The following KCNAB1 variants were observed in gnomAD, a reference collection of about 807,000 sequenced individuals.
The protein encoded by KCNAB1 is voltage-gated potassium channel subunit beta-1.
In KCNAB1, 35 loss-of-function variants were observed where a neutral mutation model predicts 64.6. The observed-to-expected ratio is 0.54, with a 90% CI of 0.41 to 0.72. The LOEUF is 0.72. KCNAB1 is among the 30% of genes least tolerant of loss of function. The pLI, the probability that KCNAB1 is intolerant of heterozygous loss-of-function variation, is 0.00. For synonymous variants in KCNAB1, 177 were observed against 183.8 expected (o/e 0.96, Z 0.30); for missense variants, 401 against 512.9 (o/e 0.78, Z 2.11).
At chr3:156,134,812 A>G (rs1714226206) in intron 1 of KCNAB1, among the ~76,000 whole-genome samples, 1 of 152,198 alleles carries the variant, frequency 6.6e-6, no homozygotes, top group South Asian at 2.1e-4. Flanking sequence ...AACAAAGTGA[A>G]ACTATTCATT....
chr3:156,385,999 G>C (rs150067822), intron 1 of KCNAB1, among the ~76,000 whole-genome samples: 210 of 152,248 alleles, frequency 1.4e-3, no homozygotes, highest in Admixed American at 2.2e-3. Context: ...AATCATGATT[G>C]TTACTGGTGG....
chr3:156,489,289 G>C (rs1352255212), intron 8 of KCNAB1, among the ~76,000 whole-genome samples: 1 of 152,120 alleles, frequency 6.6e-6, no homozygotes, highest in Non-Finnish European at 1.5e-5. Context: ...GTGTTAGGAG[G>C]TTGAGAGGAT....
chr3:156,201,776 G>A (rs1714345498), intron 1 of KCNAB1, among the ~76,000 whole-genome samples: 1 of 152,216 alleles, frequency 6.6e-6, no homozygotes, highest in Non-Finnish European at 1.5e-5. Flanking sequence ...GGCCGTTGGT[G>A]AGTGCAGGTA....
At position 156,296,465 on chromosome 3, in the gene KCNAB1, C is replaced by A. The variant is rs953711235; in HGVS notation, c.276-125151C>A. ...AATTCCACTAAAAACTTCAACTCCC[C>A]CCCCCCCCACCTTTTTTTTTTTTTT... On this transcript the variant is annotated intron_variant, in intron 1 of 13. Transcript: ENST00000490337. Among the ~76,000 whole-genome samples the A allele has an allele frequency of 6.1e-3, 463 of 75,530 alleles. 2 individuals carry two copies. Among genetic ancestry groups the A allele is most frequent in the African/African-American group, 0.043 (441 of 10,296 alleles). 49.6% of individuals were successfully genotyped at this position (75,530 alleles called of 152,430 possible).
At chr3:156,529,603 G>A (rs964734972) in intron 12 of KCNAB1, among the ~76,000 whole-genome samples, 2 of 152,172 alleles carry the variant, frequency 1.3e-5, no homozygotes, top group African/African-American at 4.8e-5. Context: ...AACTCAGCGG[G>A]TGAGCCATAA....
chr3:156,448,233 A>G (rs759905770), intron 2 of KCNAB1, among the ~76,000 whole-genome samples: 6 of 152,244 alleles, frequency 3.9e-5, no homozygotes, highest in Admixed American at 1.3e-4. Flanking sequence ...TAGTAAAATC[A>G]TCTTGTAAAT....
chr3:156,155,160 G>T (rs533000261), intron 1 of KCNAB1, among the ~76,000 whole-genome samples: 5 of 152,052 alleles, frequency 3.3e-5, no homozygotes, highest in African/African-American at 1.2e-4. Flanking sequence ...GTCAAGCCTC[G>T]CTGTTTTTGG....
chr3:156,445,331 G>A lies in KCNAB1; in HGVS notation c.320-7568G>A, dbSNP rs978210042. On this transcript the variant is annotated intron_variant, in intron 2 of 13. Transcript: ENST00000490337. ...ACCAAAACAAAGCACAAAGGAAAAG[G>A]ATGAGATGCTACCGGTATGAGAAGA... Among the ~76,000 whole-genome samples, 6 of 152,062 alleles carry A rather than the reference G, an allele frequency of 3.9e-5. No individual in the cohort carries two copies. The East Asian group carries it at 1.2e-3, about 29-fold the overall frequency.
chr3:156,120,462 C>T (rs1012456359), upstream of KCNAB1: 49 of 883,242 alleles, frequency 5.5e-5, no homozygotes, highest in Non-Finnish European at 7.8e-5. Flanking sequence ...TCATCCCAAG[C>T]CACAGACTGG....
At chr3:156,415,315 A>G (rs1250589928) in intron 1 of KCNAB1, among the ~76,000 whole-genome samples, 1 of 152,244 alleles carries the variant, frequency 6.6e-6, no homozygotes, top group Non-Finnish European at 1.5e-5. Flanking sequence ...TACTGCATTT[A>G]TATTTTCTCA....
chr3:156,206,758 GT>G (rs1485920136), intron 1 of KCNAB1, among the ~76,000 whole-genome samples: 2 of 152,118 alleles, frequency 1.3e-5, no homozygotes, highest in South Asian at 2.1e-4. Context: ...GAGACTTGTA[GT>G]TTTTCCTAAG....
chr3:156,142,031 G>A (rs759887741), intron 1 of KCNAB1, among the ~76,000 whole-genome samples: 2 of 152,116 alleles, frequency 1.3e-5, no homozygotes, highest in Non-Finnish European at 2.9e-5. Flanking sequence ...ATGCTCTTAT[G>A]TGCCATCTGT....
intron 1 of KCNAB1, among the ~76,000 whole-genome samples, chr3:156,296,558 C>G (rs2107978246): frequency 6.7e-6 from 1 of 148,442 alleles, no homozygotes; most frequent in Non-Finnish European, 1.5e-5. Flanking sequence ...ACTGCAAGGT[C>G]CGCCTCCTGG....
intron 1 of KCNAB1, among the ~76,000 whole-genome samples, chr3:156,178,521 G>A (rs1387261551): frequency 1.3e-5 from 2 of 152,098 alleles, no homozygotes; most frequent in East Asian, 3.8e-4. Flanking sequence ...ATTGAAGAAA[G>A]GGAGCAGAGC....
intron 1 of KCNAB1, chr3:156,143,569 G>GTTGTTTTTTTTT (rs1443482013): frequency 3.6e-6 from 1 of 281,598 alleles, no homozygotes; most frequent in African/African-American, 2.9e-5. Context: ...TTGCATTCTT[G>GTTGTTTTTTTTT]TTTTTTTTTT....
chr3:156,388,297 G>T (rs1289947036), intron 1 of KCNAB1, among the ~76,000 whole-genome samples: 1 of 152,214 alleles, frequency 6.6e-6, no homozygotes, highest in Non-Finnish European at 1.5e-5. Flanking sequence ...ACAGGAACCA[G>T]GATTGAAATT....
rs1712050482 is a variant in KCNAB1, at chr3:156,452,076, T to A, written c.320-823T>A. On this transcript the variant is annotated intron_variant, in intron 2 of 13. Transcript: ENST00000490337. The surrounding 1 kb of genome is among the most constrained non-coding windows in gnomAD (Gnocchi z 4.6). ...GTGAGTGCAATGCTTTTATGTGGCA[T>A]GTAATTAGGAATCAAAAGAATTCAT... Among the ~76,000 whole-genome samples, 1 of 152,124 alleles carries A rather than the reference T, an allele frequency of 6.6e-6. No homozygotes were observed.
At chr3:156,529,435 T>C (rs1718542205) in intron 12 of KCNAB1, among the ~76,000 whole-genome samples, 1 of 151,650 alleles carries the variant, frequency 6.6e-6, no homozygotes. Flanking sequence ...TTATTTAATG[T>C]ACACCTAAAA....
At chr3:156,522,044 A>G (rs1190229828) in intron 11 of KCNAB1, among the ~76,000 whole-genome samples, 1 of 74,872 alleles carries the variant, frequency 1.3e-5, no homozygotes, top group Non-Finnish European at 3.3e-5. Context: ...ACACATAAAT[A>G]GAACTTGTAA....
Sources: allele counts gnomAD v4.1 joint callset (sites outside exome capture counted in the v4.1 genomes callset), GRCh38; gene constraint gnomAD v4.1.1; non-coding constraint Gnocchi (gnomAD v3.1); transcripts MANE v1.5; gene names NCBI Gene and HGNC (gene_info 2026-07-23, HGNC 2026-07-21).